Variants in LMO7 observed in about 807,000 individuals in gnomAD.
The protein encoded by LMO7 is LIM domain only protein 7.
In LMO7, 120 loss-of-function variants were observed where a neutral mutation model predicts 206.5. The observed-to-expected ratio is 0.58, with a 90% CI of 0.50 to 0.68. LMO7 has a LOEUF of 0.68. LMO7 is among the 30% of genes least tolerant of loss of function. The pLI, the probability that LMO7 is intolerant of heterozygous loss-of-function variation, is 0.00. For synonymous variants in LMO7, 706 were observed against 681.5 expected (o/e 1.04, Z -0.56); for missense variants, 1,959 against 1,957.9 (o/e 1.00, Z -0.01).
chr13:75,668,314 G>C (rs557467915), intron 1 of LMO7, among the ~76,000 whole-genome samples: 56 of 152,330 alleles, frequency 3.7e-4, no homozygotes, highest in Non-Finnish European at 5.4e-4. Context: ...TCTCAGGTCA[G>C]GTCTTTTTGC....
At chr13:75,737,449 C>A (rs1395774250) in intron 3 of LMO7, among the ~76,000 whole-genome samples, 1 of 149,020 alleles carries the variant, frequency 6.7e-6, no homozygotes, top group Non-Finnish European at 1.5e-5. Context: ...TAGTTAATAC[C>A]TTTTTTAAAA....
intron 13 of LMO7, among the ~76,000 whole-genome samples, 172 bp from the exon 14 acceptor site, chr13:75,820,997 CAAAAAAAA>C (rs33919449): frequency 7.9e-6 from 1 of 126,798 alleles, no homozygotes; most frequent in Non-Finnish European, 1.7e-5. Flanking sequence ...GATTCGGTCT[CAAAAAAAA>C]AAAAAAAAAG....
At chr13:75,656,682 C>A (rs1396873157) in intron 1 of LMO7, among the ~76,000 whole-genome samples, 1 of 152,108 alleles carries the variant, frequency 6.6e-6, no homozygotes, top group Non-Finnish European at 1.5e-5. Flanking sequence ...TCCTAGCCAA[C>A]AAGTTTCATG....
chr13:75,781,589 C>T (rs567764856), intron 4 of LMO7, among the ~76,000 whole-genome samples: 49 of 152,022 alleles, frequency 3.2e-4, no homozygotes, highest in African/African-American at 7.7e-4. Context: ...AATAAACATA[C>T]ATGTGCATGT....
chr13:75,698,798 T>C (rs1265814162), intron 1 of LMO7, among the ~76,000 whole-genome samples: 2 of 152,104 alleles, frequency 1.3e-5, no homozygotes, highest in Non-Finnish European at 2.9e-5. Context: ...TCAAATAAAT[T>C]TTTTAAAAAA....
At chr13:75,684,789 G>GTA (rs547134823) in intron 1 of LMO7, among the ~76,000 whole-genome samples, 88 of 151,444 alleles carry the variant, frequency 5.8e-4, no homozygotes, top group African/African-American at 2.0e-3. Context: ...ATACGTATGT[G>GTA]TATATATGTG....
chr13:75,817,432 C>T (rs2057133917), intron 12 of LMO7, among the ~76,000 whole-genome samples, 154 bp downstream of exon 12: 1 of 152,026 alleles, frequency 6.6e-6, no homozygotes, highest in Non-Finnish European at 1.5e-5. Context: ...GATTTTTAAA[C>T]CTTTTTTTTT....
intron 3 of LMO7, among the ~76,000 whole-genome samples, chr13:75,737,513 G>GGAGGCC (rs962548162): frequency 4.1e-4 from 61 of 149,710 alleles, no homozygotes; most frequent in Non-Finnish European, 1.5e-4. Context: ...CAGCACTCTG[G>GGAGGCC]GAGGCCGAGG....
At position 75,838,119 on chromosome 13, in the gene LMO7, GT is replaced by G; in HGVS notation, c.3395-18del. Reference sequence around the variant, plus strand: ...GAGAAATAAAAATGAATGACATAGTGTTTATTTTTTTTTCAACTAGCATCTG... The same window carrying G: ...GAGAAATAAAAATGAATGACATAGTGTTATTTTTTTTTCAACTAGCATCTG... On this transcript the variant is annotated intron_variant, in intron 19 of 30. Coordinates refer to ENST00000377534, the MANE Select transcript of LMO7 (RefSeq NM_001306080.2). 1 of 1,433,140 alleles carries G rather than the reference GT, an allele frequency of 7.0e-7. No individual in the cohort carries two copies. The highest frequency in any genetic ancestry group is 9.8e-7 in the Non-Finnish European group (1 of 1,017,442). 88.8% of individuals were successfully genotyped at this position (1,433,140 alleles called of 1,614,324 possible).
intron 22 of LMO7, among the ~76,000 whole-genome samples, 163 bp from the exon 23 acceptor site, chr13:75,840,946 C>G (rs945013338): frequency 2.0e-5 from 3 of 152,126 alleles, no homozygotes; most frequent in Non-Finnish European, 4.4e-5. Flanking sequence ...AATATATGCT[C>G]TTTTCTACTA....
intron 15 of LMO7, among the ~76,000 whole-genome samples, chr13:75,830,157 C>A (rs1595373349): frequency 6.6e-6 from 1 of 152,164 alleles, no homozygotes. Flanking sequence ...AAGTTGAAAT[C>A]CTTCCTGAAA....
chr13:75,814,584 A>G (rs1404741640), intron 11 of LMO7, among the ~76,000 whole-genome samples: 1 of 152,246 alleles, frequency 6.6e-6, no homozygotes, highest in Admixed American at 6.5e-5. Context: ...CACCTACTGC[A>G]GGCTGGGCTC....
At chr13:75,818,139 A>G (rs1355184592) in intron 12 of LMO7, among the ~76,000 whole-genome samples, 2 of 152,218 alleles carry the variant, frequency 1.3e-5, no homozygotes, top group African/African-American at 4.8e-5. Flanking sequence ...TTAATTGTCA[A>G]GAAACAGTAA....
intron 1 of LMO7, among the ~76,000 whole-genome samples, chr13:75,656,058 C>G (rs1043667485): frequency 2.0e-5 from 3 of 152,152 alleles, no homozygotes; most frequent in African/African-American, 4.8e-5. Flanking sequence ...TCTACCTCCT[C>G]TCATCCTGGA....
At chr13:75,801,766 A>G (rs568442559) in intron 7 of LMO7, among the ~76,000 whole-genome samples, 12 of 152,272 alleles carry the variant, frequency 7.9e-5, no homozygotes, top group African/African-American at 2.6e-4. Context: ...CTTAATTGTT[A>G]GGGATTTTAC....
chr13:75,805,891 C>T, intron 9 of LMO7, 131 bp downstream of exon 9: 1 of 1,146,060 alleles, frequency 8.7e-7, no homozygotes, highest in Non-Finnish European at 1.2e-6. Context: ...TCTGCGGAAC[C>T]TATATAATGG....
chr13:75,818,699 T>C (rs887847669), intron 12 of LMO7, among the ~76,000 whole-genome samples: 6 of 152,156 alleles, frequency 3.9e-5, no homozygotes, highest in African/African-American at 1.2e-4. Context: ...CCTTCTGAAA[T>C]TGCATACTCA....
chr13:75,846,726 G>C (rs1284003702), intron 26 of LMO7, among the ~76,000 whole-genome samples: 1 of 152,074 alleles, frequency 6.6e-6, no homozygotes, highest in Non-Finnish European at 1.5e-5. Context: ...GCAAGCTCTT[G>C]GATAGCAGGC....
intron 3 of LMO7, chr13:75,760,471 A>T: frequency 8.1e-7 from 1 of 1,232,252 alleles, no homozygotes; most frequent in Non-Finnish European, 1.0e-6. Context: ...TAATCATAGA[A>T]ACAGAATGTT....
Sources: allele counts gnomAD v4.1 joint callset (sites outside exome capture counted in the v4.1 genomes callset), GRCh38; gene constraint gnomAD v4.1.1; transcripts MANE v1.5; gene names NCBI Gene and HGNC (gene_info 2026-07-23, HGNC 2026-07-21).